SAMD4A: variants seen among roughly 807,000 people sequenced by gnomAD.
SAMD4A encodes protein Smaug homolog 1.
SAMD4A carries 33 observed loss-of-function variants against 81.3 expected under a neutral mutation model. That is an observed-to-expected ratio of 0.41 (90% CI 0.31 to 0.54). SAMD4A has a LOEUF of 0.54. Ranked by LOEUF, SAMD4A falls within the 20% of genes least tolerant of loss-of-function variation. The probability of loss-of-function intolerance (pLI) is 0.37; values close to 1 mark genes in which losing one functional copy is unlikely to be tolerated. For missense variants in SAMD4A, 854 were observed against 951.1 expected (o/e 0.90, Z 1.34); for synonymous variants, 389 against 382.1 (o/e 1.02, Z -0.21).
chr14:54,684,612 GCC>G (rs780497625), intron 2 of SAMD4A, among the ~76,000 whole-genome samples: 12 of 81,746 alleles, frequency 1.5e-4, no homozygotes, highest in Non-Finnish European at 1.8e-4. Flanking sequence ...AGACACCCCC[GCC>G]CCCCCCCCCA....
intron 3 of SAMD4A, among the ~76,000 whole-genome samples, chr14:54,706,826 A>G (rs1264083253): frequency 6.6e-6 from 1 of 152,034 alleles, no homozygotes; most frequent in Admixed American, 6.6e-5. Flanking sequence ...AGGGAGAGGT[A>G]GTGAAGGCAG....
chr14:54,587,206 G>A (rs1205762077), intron 2 of SAMD4A, among the ~76,000 whole-genome samples: 1 of 152,104 alleles, frequency 6.6e-6, no homozygotes, highest in African/African-American at 2.4e-5. Flanking sequence ...AAGGGGTTGA[G>A]TTCTCGATTT....
intron 2 of SAMD4A, among the ~76,000 whole-genome samples, chr14:54,621,549 A>G (rs2034617444): frequency 6.6e-6 from 1 of 150,462 alleles, no homozygotes; most frequent in Non-Finnish European, 1.5e-5. Flanking sequence ...TTTAGTAGAG[A>G]CAGGGTCTCA....
At chr14:54,779,826 G>A (rs975276541) in intron 11 of SAMD4A, among the ~76,000 whole-genome samples, 1 of 152,120 alleles carries the variant, frequency 6.6e-6, no homozygotes, top group African/African-American at 2.4e-5. Context: ...CCTTCAGGTG[G>A]CTATTGCCAG....
At chr14:54,580,466 A>G (rs1438330406) in intron 2 of SAMD4A, among the ~76,000 whole-genome samples, 1 of 152,166 alleles carries the variant, frequency 6.6e-6, no homozygotes, top group Non-Finnish European at 1.5e-5. Flanking sequence ...TGTTCCAGCA[A>G]TGTCTTCTTG....
chr14:54,701,059 T>A (rs1409941514), intron 2 of SAMD4A: 1 of 148,492 alleles, frequency 6.7e-6, no homozygotes, highest in Non-Finnish European at 1.5e-5. Context: ...GGTACAGTGG[T>A]GCAATCACAG....
At chr14:54,596,035 TC>T (rs2033902134) in intron 2 of SAMD4A, among the ~76,000 whole-genome samples, 1 of 152,226 alleles carries the variant, frequency 6.6e-6, no homozygotes, top group South Asian at 2.1e-4. Context: ...GGAATTAGAC[TC>T]CCAGGTCTGG....
At chr14:54,617,978 G>A (rs865883040) in intron 2 of SAMD4A, among the ~76,000 whole-genome samples, 3 of 152,164 alleles carry the variant, frequency 2.0e-5, no homozygotes, top group South Asian at 2.1e-4. Flanking sequence ...GAGAAGATTA[G>A]TATGATATAA....
chr14:54,751,636 G>A (rs986508369), intron 6 of SAMD4A, 99 bp downstream of exon 6: 15 of 778,288 alleles, frequency 1.9e-5, no homozygotes, highest in Middle Eastern at 4.5e-4. Flanking sequence ...CTTCTAGAGC[G>A]TACCATGTGG....
intron 2 of SAMD4A, among the ~76,000 whole-genome samples, chr14:54,635,738 T>C (rs2035020274): frequency 6.7e-6 from 1 of 148,378 alleles, no homozygotes; most frequent in South Asian, 2.1e-4. Context: ...CAAGACTCCA[T>C]CTCAAAAAAA....
intron 2 of SAMD4A, among the ~76,000 whole-genome samples, chr14:54,692,768 A>G (rs1287377354): frequency 6.6e-6 from 1 of 152,010 alleles, no homozygotes; most frequent in East Asian, 1.9e-4. Context: ...GTGGTTTACA[A>G]GAATGTGTCT....
intron 3 of SAMD4A, among the ~76,000 whole-genome samples, chr14:54,733,319 G>A (rs4901535): frequency 0.65 from 99,231 of 151,978 alleles, 33,242 homozygotes; most frequent in Non-Finnish European, 0.73. Flanking sequence ...ATATGCATGC[G>A]TGCATACTGG....
chr14:54,694,977 GC>G, intron 2 of SAMD4A: 1 of 957,558 alleles, frequency 1.0e-6, no homozygotes, highest in South Asian at 4.8e-5. Context: ...CCTGGTTCTT[GC>G]CTTTTGAGGA....
At chr14:54,768,331 C>G (rs565651335) in intron 8 of SAMD4A, among the ~76,000 whole-genome samples, 5 of 152,314 alleles carry the variant, frequency 3.3e-5, no homozygotes, top group African/African-American at 4.8e-5. Context: ...GAGCGAGGCA[C>G]GTTCCAGGTA....
chr14:54,568,635 C>T (rs2033024883), intron 2 of SAMD4A, among the ~76,000 whole-genome samples: 1 of 138,356 alleles, frequency 7.2e-6, no homozygotes, highest in African/African-American at 2.7e-5. Context: ...TTTAGAGCTT[C>T]GTCTTCAGAA....
At chr14:54,766,831 A>G (rs2038557735) in intron 8 of SAMD4A, among the ~76,000 whole-genome samples, 1 of 152,150 alleles carries the variant, frequency 6.6e-6, no homozygotes, top group Non-Finnish European at 1.5e-5. Context: ...ACCTGTGCCA[A>G]ACAATCCACA....
intron 4 of SAMD4A, among the ~76,000 whole-genome samples, chr14:54,739,099 A>C (rs1344625185): frequency 2.4e-5 from 3 of 126,180 alleles, no homozygotes; most frequent in African/African-American, 6.5e-5. Context: ...CACTTTCAAC[A>C]TTCTCCCAAA....
intron 2 of SAMD4A, among the ~76,000 whole-genome samples, chr14:54,627,728 C>T (rs918402098): frequency 6.6e-6 from 1 of 152,174 alleles, no homozygotes; most frequent in South Asian, 2.1e-4. Context: ...ATGAGAAAGC[C>T]GAAGCTTTAT....
intron 2 of SAMD4A, among the ~76,000 whole-genome samples, chr14:54,577,367 G>T (rs113435023): frequency 6.1e-4 from 93 of 152,366 alleles, no homozygotes; most frequent in African/African-American, 2.1e-3. Context: ...CACAGCAAGG[G>T]CTGCAGTGTT....
Sources: allele counts gnomAD v4.1 joint callset (sites outside exome capture counted in the v4.1 genomes callset), GRCh38; gene constraint gnomAD v4.1.1; transcripts MANE v1.5; gene names NCBI Gene and HGNC (gene_info 2026-07-23, HGNC 2026-07-21).